Variants in FBXO33 observed in about 807,000 individuals in gnomAD.
FBXO33 encodes F-box only protein 33.
A neutral mutation model predicts 46.3 loss-of-function variants in FBXO33; 22 were observed. The ratio of observed to expected loss-of-function variants is 0.48; its 90% CI spans 0.34 to 0.68. The LOEUF (loss-of-function observed/expected upper bound fraction) is 0.68, where lower values mean the gene tolerates loss of function less well. Among genes scored for constraint, FBXO33 ranks in the 30% least tolerant of loss-of-function variants. The pLI, the probability that FBXO33 is intolerant of heterozygous loss-of-function variation, is 0.01. For missense variants in FBXO33, 692 were observed against 708.8 expected (o/e 0.98, Z 0.27); for synonymous variants, 337 against 291.3 (o/e 1.16, Z -1.60).
intron 1 of FBXO33, among the ~76,000 whole-genome samples, chr14:39,404,598 T>C (rs1439543102): frequency 6.6e-6 from 1 of 151,950 alleles, no homozygotes; most frequent in Non-Finnish European, 1.5e-5. Context: ...AGTGCTGGGA[T>C]TACAGGCGTG....
In FBXO33 at chr14:39,426,476, A is replaced by C. The variant is rs190139287; in HGVS notation, c.599+5088T>G. On this transcript the variant is annotated intron_variant, in intron 1 of 3. Transcript: ENST00000298097. ...CCAGGGTGATTGTCTTAAAATGCAA[A>C]TGATATCACATTATTCTTGTCCTTA... is the stretch of plus-strand genomic sequence containing the variant. Among the ~76,000 whole-genome samples the C allele has an allele frequency of 9.7e-4, 148 of 152,294 alleles. 3 individuals carry two copies. In the South Asian group the frequency reaches 9.7e-3, roughly 10 times the overall value.
intron 1 of FBXO33, among the ~76,000 whole-genome samples, chr14:39,413,305 C>A (rs1357604347): frequency 3.3e-5 from 5 of 152,220 alleles, no homozygotes; most frequent in South Asian, 4.1e-4. Flanking sequence ...CTCATGCATT[C>A]CAGTTTTATG....
rs1360366027 is a variant in FBXO33, at chr14:39,399,494, G to A, written c.*22C>T. On this transcript the variant is annotated 3_prime_UTR_variant, in exon 4 of 4. Transcript: ENST00000298097. ...GACCCTACTTGCATATGTAACCACA[G>A]GAATTCTACATTAAAAAAAAGCTAA... The A allele has an allele frequency of 1.3e-6, 2 of 1,589,716 alleles. No homozygotes were observed. The highest frequency in any genetic ancestry group is 2.7e-5 in the African/African-American group (2 of 73,934).
chr14:39,426,478 G>A (rs996647939), intron 1 of FBXO33, among the ~76,000 whole-genome samples: 1 of 152,132 alleles, frequency 6.6e-6, no homozygotes, highest in East Asian at 1.9e-4. Flanking sequence ...AAATGCAAAT[G>A]ATATCACATT....
Position 39,431,683 on chromosome 14 carries a change from C to G in FBXO33, c.480G>C (p.Ala160=), listed in dbSNP as rs746035437. Residue 160 remains alanine (A), a synonymous_variant, in exon 1 of 4, where the codon GCG becomes GCC. Coordinates refer to ENST00000298097, the MANE Select transcript of FBXO33 (RefSeq NM_203301.4). ...CTTCCTCCCCTCCAGTCCCGGTGTCCGCGCCACCTCCGTCCCCTGGGCCAC... is the reference window on the plus strand; with the variant it reads ...CTTCCTCCCCTCCAGTCCCGGTGTCGGCGCCACCTCCGTCCCCTGGGCCAC... ...SGGGPGDGGG[A]DTGTGGEEVE... 3 of 1,613,520 alleles carry G rather than the reference C, an allele frequency of 1.9e-6. No homozygotes were observed. Among genetic ancestry groups the G allele is most frequent in the African/African-American group, 1.3e-5 (1 of 75,058 alleles).
chr14:39,402,518 G>A lies in FBXO33; in HGVS notation c.600-7C>T. The A allele has an allele frequency of 3.6e-6, 5 of 1,403,746 alleles. No homozygotes were observed. Among genetic ancestry groups the A allele is most frequent in the East Asian group, 2.5e-5 (1 of 39,528 alleles). The allele number at this position is 1,403,746 out of a possible 1,614,324, so 87.0% of individuals were successfully genotyped here. A position where few individuals can be genotyped will look rare whatever the true frequency, so the allele number is the denominator to read the frequency against. On this transcript the variant is annotated splice_region_variant and splice_polypyrimidine_tract_variant and intron_variant, in intron 1 of 3. Transcript: ENST00000298097. ...ACTAAACTTCTGAAGGTTCCTACAA[G>A]AACAATCATTTAAAATGATTTGCTA...
rs199807646 is a variant in FBXO33, at chr14:39,410,333, A to G, written c.600-7822T>C. 4.6e-5 allele frequency among the ~76,000 whole-genome samples: 7 copies of G among 152,230 alleles called. No homozygotes were observed. In the East Asian group the frequency reaches 7.7e-4, roughly 17 times the overall value. ...CCATTCTGTTACAATGTGGCGTAGT[A>G]TATTTATTGATGTGCATATGGTGAA... On this transcript the variant is annotated intron_variant, in intron 1 of 3. Transcript: ENST00000298097.
chr14:39,420,678 G>GA (rs1567077638), intron 1 of FBXO33, among the ~76,000 whole-genome samples: 3 of 151,684 alleles, frequency 2.0e-5, no homozygotes, highest in African/African-American at 4.8e-5. Context: ...GGGACAGAGC[G>GA]AAACTCTGTC....
intron 1 of FBXO33, among the ~76,000 whole-genome samples, chr14:39,403,762 C>A: frequency 6.6e-6 from 1 of 150,990 alleles, no homozygotes; most frequent in African/African-American, 2.4e-5. Flanking sequence ...GTATCATCTA[C>A]AACAGTGATA....
rs1036384376 is a variant in FBXO33 at position 39,398,576 on chromosome 14, A to C, written c.*940T>G. On this transcript the variant is annotated 3_prime_UTR_variant, in exon 4 of 4. Transcript: ENST00000298097. ...TCGACCTTAAATATTACAATCTAGC[A>C]GTATCTGGCTGGCCAGAGTGGGCCG... 3 of 151,622 alleles carry C rather than the reference A, an allele frequency of 2.0e-5. No individual in the cohort carries two copies. Among genetic ancestry groups the C allele is most frequent in the Non-Finnish European group, 2.9e-5 (2 of 67,958 alleles). 9.4% of individuals were successfully genotyped at this position (151,622 alleles called of 1,614,324 possible).
In FBXO33 at chr14:39,398,465, C is replaced by CTTTTTTTTTTTTTTT. The variant is rs57604339; in HGVS notation, c.*1036_*1050dup. The CTTTTTTTTTTTTTTT allele has an allele frequency of 1.1e-3, 136 of 125,850 alleles. No individual in the cohort carries two copies. The highest frequency in any genetic ancestry group is 2.0e-3 in the African/African-American group (67 of 33,900). 7.8% of individuals were successfully genotyped at this position (125,850 alleles called of 1,614,324 possible). A position where few individuals can be genotyped will look rare whatever the true frequency, so the allele number is the denominator to read the frequency against. On this transcript the variant is annotated 3_prime_UTR_variant, in exon 4 of 4. Coordinates refer to ENST00000298097, the MANE Select transcript of FBXO33 (RefSeq NM_203301.4). ...TGAAACAGGTGCATGTTTTTTTTTTCTTTTTTTTTTTTTTTTGTTTTGTTT... is the reference window on the plus strand; with the variant it reads ...TGAAACAGGTGCATGTTTTTTTTTTCTTTTTTTTTTTTTTTTTTTTTTTTTTTTTTTGTTTTGTTT...
At chr14:39,412,548 G>A (rs1252074852) in intron 1 of FBXO33, among the ~76,000 whole-genome samples, 1 of 152,152 alleles carries the variant, frequency 6.6e-6, no homozygotes, top group Non-Finnish European at 1.5e-5. Flanking sequence ...TATATTTAAA[G>A]TAATTAATAA....
intron 1 of FBXO33, among the ~76,000 whole-genome samples, chr14:39,421,096 T>A (rs1290392284): frequency 1.3e-5 from 2 of 152,126 alleles, no homozygotes; most frequent in African/African-American, 4.8e-5. Flanking sequence ...TAGATTCTAA[T>A]AGGACATCGG....
At chr14:39,412,075 T>C (rs563585733) in intron 1 of FBXO33, among the ~76,000 whole-genome samples, 1 of 152,348 alleles carries the variant, frequency 6.6e-6, no homozygotes, top group South Asian at 2.1e-4. Flanking sequence ...GTTAGGTCCA[T>C]TTGGCCCATA....
intron 1 of FBXO33, among the ~76,000 whole-genome samples, chr14:39,403,992 G>A (rs927486439): frequency 7.2e-5 from 11 of 151,934 alleles, no homozygotes; most frequent in Admixed American, 5.2e-4. Flanking sequence ...GTATTTGTTG[G>A]ACTCTCAAAG....
intron 1 of FBXO33, among the ~76,000 whole-genome samples, chr14:39,428,210 T>A (rs551139096): frequency 4.9e-4 from 75 of 152,304 alleles, no homozygotes; most frequent in Non-Finnish European, 8.4e-4. Flanking sequence ...TTCTTTTTTT[T>A]TAAATTTTTT....
intron 1 of FBXO33, among the ~76,000 whole-genome samples, chr14:39,415,380 C>T (rs1432369318): frequency 6.6e-6 from 1 of 151,982 alleles, no homozygotes; most frequent in Admixed American, 6.5e-5. Context: ...ACAAATGGTG[C>T]CAATATAGTT....
chr14:39,426,803 T>C (rs760705091), intron 1 of FBXO33, among the ~76,000 whole-genome samples: 1 of 152,242 alleles, frequency 6.6e-6, no homozygotes, highest in Admixed American at 6.5e-5. Context: ...CAAAAGAGGT[T>C]TCCCTGACAC....
intron 1 of FBXO33, among the ~76,000 whole-genome samples, chr14:39,423,071 G>A (rs547678225): frequency 1.3e-5 from 2 of 152,192 alleles, no homozygotes; most frequent in Admixed American, 1.3e-4. Flanking sequence ...GCAGTGAGCT[G>A]AGACCATACC....
Sources: allele counts gnomAD v4.1 joint callset (sites outside exome capture counted in the v4.1 genomes callset), GRCh38; gene constraint gnomAD v4.1.1; transcripts MANE v1.5; gene names NCBI Gene and HGNC (gene_info 2026-07-23, HGNC 2026-07-21).